Variants in KCNIP1 observed in about 807,000 individuals in gnomAD.
The protein encoded by KCNIP1 is A-type potassium channel modulatory protein KCNIP1.
In KCNIP1, 18 loss-of-function variants were observed where a neutral mutation model predicts 33.0. That is an observed-to-expected ratio of 0.55 (90% confidence interval 0.38 to 0.81). The LOEUF (loss-of-function observed/expected upper bound fraction) is 0.81. Ranked by LOEUF, KCNIP1 falls within the 30% of genes least tolerant of loss-of-function variation. The pLI, the probability that KCNIP1 is intolerant of heterozygous loss-of-function variation, is 0.00. For synonymous variants in KCNIP1, 93 were observed against 98.3 expected (o/e 0.95, Z 0.32); for missense variants, 238 against 271.6 (o/e 0.88, Z 0.87).
chr5:170,628,866 C>G (rs934861322), intron 1 of KCNIP1, among the ~76,000 whole-genome samples: 2 of 152,214 alleles, frequency 1.3e-5, no homozygotes, highest in Non-Finnish European at 1.5e-5. Context: ...CCCCCAGCCC[C>G]CTGAGGGGAG....
intron 1 of KCNIP1, chr5:170,669,436 C>A (rs139939384): frequency 2.6e-6 from 2 of 784,144 alleles, no homozygotes; most frequent in African/African-American, 1.9e-5. Flanking sequence ...CTACATTAGG[C>A]TACATAGAAT....
intron 1 of KCNIP1, among the ~76,000 whole-genome samples, chr5:170,668,439 C>T (rs147706226): frequency 0.018 from 2,739 of 152,324 alleles, 41 homozygotes; most frequent in Non-Finnish European, 0.03. Context: ...CTTGCCTGGT[C>T]TGGGCCACAG....
chr5:170,629,090 C>T (rs1470138670), intron 1 of KCNIP1, among the ~76,000 whole-genome samples: 1 of 152,232 alleles, frequency 6.6e-6, no homozygotes, highest in African/African-American at 2.4e-5. Context: ...TATGGATTTG[C>T]TGTTCAGAAA....
At chr5:170,388,983 A>T (rs1764598266) in intron 1 of KCNIP1, among the ~76,000 whole-genome samples, 1 of 152,178 alleles carries the variant, frequency 6.6e-6, no homozygotes, top group African/African-American at 2.4e-5. Flanking sequence ...AAGTGCCAGC[A>T]TTGGTGTTAA....
At chr5:170,476,355 G>C (rs773625622) in intron 1 of KCNIP1, among the ~76,000 whole-genome samples, 1 of 152,154 alleles carries the variant, frequency 6.6e-6, no homozygotes, top group African/African-American at 2.4e-5. Flanking sequence ...AAATATCGAA[G>C]TGTTGAACTG....
At chr5:170,610,475 G>A (rs531714193) in intron 1 of KCNIP1, among the ~76,000 whole-genome samples, 1 of 152,288 alleles carries the variant, frequency 6.6e-6, no homozygotes, top group South Asian at 2.1e-4. Context: ...ATGATGGGCT[G>A]GTTTCATGCT....
intron 1 of KCNIP1, among the ~76,000 whole-genome samples, chr5:170,380,968 A>T (rs1249792157): frequency 6.6e-6 from 1 of 152,166 alleles, no homozygotes; most frequent in Non-Finnish European, 1.5e-5. Flanking sequence ...CACGATAAGA[A>T]CTCAAAAAAG....
intron 1 of KCNIP1, among the ~76,000 whole-genome samples, chr5:170,539,346 A>T (rs757686462): frequency 5.3e-5 from 8 of 152,102 alleles, no homozygotes; most frequent in Non-Finnish European, 1.0e-4. Flanking sequence ...CCAACCACAG[A>T]CTTCAAGGCC....
At chr5:170,619,648 T>G (rs1001133655) in intron 1 of KCNIP1, among the ~76,000 whole-genome samples, 98 of 152,334 alleles carry the variant, frequency 6.4e-4, no homozygotes, top group African/African-American at 2.3e-3. Context: ...AGGAACATTT[T>G]AAAGCAACAG....
chr5:170,522,913 C>G (rs1755418295), intron 1 of KCNIP1, among the ~76,000 whole-genome samples: 1 of 152,258 alleles, frequency 6.6e-6, no homozygotes, highest in African/African-American at 2.4e-5. Context: ...ACAAAGGAAT[C>G]TTGGCGCTTT....
chr5:170,492,758 T>C (rs1452664268), intron 1 of KCNIP1, among the ~76,000 whole-genome samples: 2 of 151,358 alleles, frequency 1.3e-5, no homozygotes, highest in South Asian at 4.2e-4. Context: ...TATCTATCTA[T>C]TTATTTATTT....
chr5:170,694,376 G>A (rs1431532610), intron 1 of KCNIP1, among the ~76,000 whole-genome samples: 1 of 151,944 alleles, frequency 6.6e-6, no homozygotes, highest in African/African-American at 2.4e-5. Context: ...TTTTAAAATG[G>A]TAAAACAGAA....
chr5:170,693,928 A>G (rs6555911), intron 1 of KCNIP1, among the ~76,000 whole-genome samples: 108,277 of 152,064 alleles, frequency 0.71, 39,995 homozygotes, highest in East Asian at 0.94. Flanking sequence ...TTTGGACAGC[A>G]CCTTAGCAGG....
chr5:170,534,989 A>G (rs1452120879), intron 1 of KCNIP1, among the ~76,000 whole-genome samples: 1 of 152,002 alleles, frequency 6.6e-6, no homozygotes, highest in Non-Finnish European at 1.5e-5. Flanking sequence ...TAGCTGCTTC[A>G]TTTGTTTTTC....
chr5:170,406,900 G>A (rs1755051983), intron 1 of KCNIP1, among the ~76,000 whole-genome samples: 2 of 152,176 alleles, frequency 1.3e-5, no homozygotes, highest in African/African-American at 4.8e-5. Context: ...CAAAGCTGGA[G>A]ACCCCAAATA....
At chr5:170,628,081 A>G (rs1051248352) in intron 1 of KCNIP1, among the ~76,000 whole-genome samples, 1 of 152,228 alleles carries the variant, frequency 6.6e-6, no homozygotes, top group African/African-American at 2.4e-5. Context: ...GCCTCTGGGA[A>G]TTCAGAGACG....
chr5:170,556,997 G>T (rs919131429), intron 1 of KCNIP1, among the ~76,000 whole-genome samples: 1 of 152,176 alleles, frequency 6.6e-6, no homozygotes, highest in Admixed American at 6.5e-5. Flanking sequence ...ATTTCCATAT[G>T]CTGGCTGTGT....
At chr5:170,713,652 A>G (rs1469067794) in intron 1 of KCNIP1, among the ~76,000 whole-genome samples, 1 of 152,200 alleles carries the variant, frequency 6.6e-6, no homozygotes, top group Admixed American at 6.5e-5. Flanking sequence ...AAAATAATTA[A>G]GATACATTTT....
intron 1 of KCNIP1, among the ~76,000 whole-genome samples, chr5:170,714,262 A>G (rs1763564270): frequency 6.6e-6 from 1 of 152,196 alleles, no homozygotes; most frequent in South Asian, 2.1e-4. Flanking sequence ...AAGGCTGGCT[A>G]CAAGCGAGTT....
Sources: allele counts gnomAD v4.1 joint callset (sites outside exome capture counted in the v4.1 genomes callset), GRCh38; gene constraint gnomAD v4.1.1; transcripts MANE v1.5; gene names NCBI Gene and HGNC (gene_info 2026-07-23, HGNC 2026-07-21).